Variants in FOXJ3 observed in about 807,000 individuals in gnomAD.
FOXJ3 encodes the protein forkhead box protein J3.
Under a neutral mutation model 76.1 loss-of-function variants are expected in FOXJ3, and 22 were observed. The observed-to-expected ratio is 0.29, with a 90% CI of 0.21 to 0.41. FOXJ3 has a LOEUF of 0.41. Ranked by LOEUF, FOXJ3 falls within the 10% of genes least tolerant of loss-of-function variation. FOXJ3 has a pLI of 1.00. For synonymous variants in FOXJ3, 269 were observed against 261.2 expected (o/e 1.03, Z -0.29); for missense variants, 613 against 762.1 (o/e 0.80, Z 2.30).
chr1:42,180,561 G>A (rs982611599), intron 12 of FOXJ3, among the ~76,000 whole-genome samples: 1 of 151,906 alleles, frequency 6.6e-6, no homozygotes, highest in Admixed American at 6.6e-5. Context: ...CCTTTTAACT[G>A]TTGTGGAAGT....
At chr1:42,262,580 A>G (rs979997431) in intron 4 of FOXJ3, among the ~76,000 whole-genome samples, 3 of 152,144 alleles carry the variant, frequency 2.0e-5, no homozygotes, top group Non-Finnish European at 4.4e-5. Flanking sequence ...CAGGTGCGGC[A>G]GCTCACGCCT....
At chr1:42,260,128 TTA>T (rs1650919484) in intron 4 of FOXJ3, among the ~76,000 whole-genome samples, 1 of 152,200 alleles carries the variant, frequency 6.6e-6, no homozygotes, top group South Asian at 2.1e-4. Context: ...AGCATTAAAA[TTA>T]TACTCTTATC....
At chr1:42,243,324 G>C (rs1211378116) in intron 4 of FOXJ3, among the ~76,000 whole-genome samples, 1 of 152,040 alleles carries the variant, frequency 6.6e-6, no homozygotes, top group Non-Finnish European at 1.5e-5. Context: ...CCACCAAATT[G>C]CAATAATAAG....
At position 42,177,819 on chromosome 1, in the gene FOXJ3, A is replaced by T. The variant is rs1386443099; in HGVS notation, c.*1891T>A. 1 of 152,464 alleles carries T rather than the reference A, an allele frequency of 6.6e-6. No homozygotes were observed. The allele number at this position is 152,464 out of a possible 1,614,324, so 9.4% of individuals were successfully genotyped here. ...CAGCACACACACACAGAAACAAAAG[A>T]TGTTTGTTTAGTTCAAGTAGAGATT... On this transcript the variant is annotated 3_prime_UTR_variant, in exon 13 of 13. Coordinates refer to ENST00000361346, the MANE Select transcript of FOXJ3 (RefSeq NM_014947.5).
intron 4 of FOXJ3, among the ~76,000 whole-genome samples, chr1:42,262,109 G>A (rs961334648): frequency 6.6e-6 from 1 of 152,214 alleles, no homozygotes; most frequent in Non-Finnish European, 1.5e-5. Flanking sequence ...TAAACCAGAA[G>A]CTGCTGAAAG....
chr1:42,255,622 A>G (rs1391592926), intron 4 of FOXJ3, among the ~76,000 whole-genome samples: 1 of 152,238 alleles, frequency 6.6e-6, no homozygotes. Flanking sequence ...AGATGTTTAC[A>G]ATCTAAAAGC....
intron 7 of FOXJ3, among the ~76,000 whole-genome samples, chr1:42,196,736 C>T (rs981933246): frequency 3.3e-5 from 5 of 152,162 alleles, no homozygotes; most frequent in Non-Finnish European, 5.9e-5. Context: ...GCTTTAAACA[C>T]GGCAGTTTAA....
intron 3 of FOXJ3, 54 bp downstream of exon 3, chr1:42,278,294 A>G (rs1007232695): frequency 9.8e-5 from 119 of 1,211,964 alleles, no homozygotes; most frequent in Non-Finnish European, 1.3e-4. Flanking sequence ...TTTTCAGTAG[A>G]AATCAACATC....
Position 42,288,465 on chromosome 1 carries a change from T to G in FOXJ3, c.45-9793A>C, listed in dbSNP as rs190998175. On this transcript the variant is annotated intron_variant, in intron 2 of 12. Coordinates refer to ENST00000361346, the MANE Select transcript of FOXJ3 (RefSeq NM_014947.5). ...ATCAGTTTTTTTCTCTACTTCTGCT[T>G]CCATGGCATTATACAAGTAAGTATG... is the stretch of plus-strand genomic sequence containing the variant. 5.7e-3 allele frequency among the ~76,000 whole-genome samples: 869 copies of G among 152,318 alleles called. 6 individuals are homozygous for G. The highest frequency in any genetic ancestry group is 7.3e-3 in the Non-Finnish European group (495 of 68,018).
At chr1:42,318,376 T>A (rs1655243609) in intron 1 of FOXJ3, among the ~76,000 whole-genome samples, 1 of 152,208 alleles carries the variant, frequency 6.6e-6, no homozygotes, top group Non-Finnish European at 1.5e-5. Flanking sequence ...AGTTTCGCTC[T>A]TGTCACCCAG....
chr1:42,309,243 C>T (rs2124753237), intron 2 of FOXJ3, among the ~76,000 whole-genome samples: 2 of 152,176 alleles, frequency 1.3e-5, no homozygotes, highest in Middle Eastern at 6.8e-3. Context: ...GCAATTGTAA[C>T]ACTTCATCAT....
In FOXJ3 at chr1:42,222,073, A is replaced by AAGAAGAAGG. The variant is rs1647225945; in HGVS notation, c.528+5809_528+5810insCCTTCTTCT. On this transcript the variant is annotated intron_variant, in intron 5 of 12. Coordinates refer to ENST00000361346, the MANE Select transcript of FOXJ3 (RefSeq NM_014947.5). ...GAAGAAGAAGAAGAAGAAGAAGAAG[A>AAGAAGAAGG]AGAAGAAGAAGAAGAAGAAGAAGAA... 2.2e-5 allele frequency among the ~76,000 whole-genome samples: 3 copies of AAGAAGAAGG among 135,720 alleles called. No homozygotes were observed. In the East Asian group the frequency reaches 6.7e-4, roughly 30 times the overall value. 89.0% of individuals were successfully genotyped at this position (135,720 alleles called of 152,430 possible). A position where few individuals can be genotyped will look rare whatever the true frequency, so the allele number is the denominator to read the frequency against.
At chr1:42,187,406 A>G (rs1333224901) in intron 11 of FOXJ3, among the ~76,000 whole-genome samples, 2 of 152,194 alleles carry the variant, frequency 1.3e-5, no homozygotes, top group Non-Finnish European at 2.9e-5. Flanking sequence ...AAGGAGAAAA[A>G]AGGGACAAAA....
At chr1:42,234,811 G>C (rs1232288872) in intron 4 of FOXJ3, among the ~76,000 whole-genome samples, 3 of 151,132 alleles carry the variant, frequency 2.0e-5, no homozygotes, top group Non-Finnish European at 2.9e-5. Flanking sequence ...TGCTCCTACT[G>C]GGGGGTGCCT....
intron 4 of FOXJ3, among the ~76,000 whole-genome samples, chr1:42,245,361 C>A (rs1649468992): frequency 6.6e-6 from 1 of 152,214 alleles, no homozygotes. Flanking sequence ...CAAACAAGGA[C>A]ACCACAAAAA....
chr1:42,264,945 C>A (rs1651353203), intron 4 of FOXJ3, 170 bp downstream of exon 4: 4 of 643,424 alleles, frequency 6.2e-6, no homozygotes, highest in African/African-American at 5.6e-5. Flanking sequence ...AACAGCTATA[C>A]ACTAGTTAGG....
chr1:42,230,173 A>T (rs961299325), intron 4 of FOXJ3, among the ~76,000 whole-genome samples: 1 of 152,212 alleles, frequency 6.6e-6, no homozygotes, highest in African/African-American at 2.4e-5. Context: ...AAGATTCACA[A>T]AACTAATTGT....
rs1250300322 is a variant in FOXJ3, at chr1:42,180,167, A to G, written c.1754-342T>C. On this transcript the variant is annotated intron_variant, in intron 12 of 12. Coordinates refer to ENST00000361346, the MANE Select transcript of FOXJ3 (RefSeq NM_014947.5). ...CTGCTCTTACAGTCTGTTTTGCTCCAATACGTTGTTTCAGTAACATGAATT... is the reference window on the plus strand; with the variant it reads ...CTGCTCTTACAGTCTGTTTTGCTCCGATACGTTGTTTCAGTAACATGAATT... Among the ~76,000 whole-genome samples the G allele has an allele frequency of 2.0e-5, 3 of 152,316 alleles. No individual in the cohort carries two copies. In the East Asian group the frequency reaches 5.8e-4, roughly 29 times the overall value.
intron 5 of FOXJ3, among the ~76,000 whole-genome samples, chr1:42,210,292 C>G (rs1444155176): frequency 6.6e-6 from 1 of 152,196 alleles, no homozygotes; most frequent in African/African-American, 2.4e-5. Context: ...GACCCGGCCC[C>G]CATCTGGCTT....
Sources: gnomAD v4.1 joint callset for allele counts (sites outside exome capture counted in the v4.1 genomes callset) on GRCh38, gnomAD v4.1.1 for gene constraint, MANE v1.5 for transcripts, NCBI Gene and HGNC (gene_info 2026-07-23, HGNC 2026-07-21) for gene names.